Variants in SNTG1 observed in about 807,000 individuals in gnomAD.
The protein encoded by SNTG1 is gamma-1-syntrophin.
In SNTG1, 39 loss-of-function variants were observed where a neutral mutation model predicts 74.7. The observed-to-expected ratio is 0.52, with a 90% CI of 0.40 to 0.68. The LOEUF (loss-of-function observed/expected upper bound fraction) is 0.68, where lower values mean the gene tolerates loss of function less well. Among genes scored for constraint, SNTG1 ranks in the 30% least tolerant of loss-of-function variants. The pLI is 0.00. For synonymous variants in SNTG1, 254 were observed against 217.1 expected (o/e 1.17, Z -1.49); for missense variants, 685 against 609.5 (o/e 1.12, Z -1.30).
intron 1 of SNTG1, among the ~76,000 whole-genome samples, chr8:50,055,407 A>T (rs1232773026): frequency 6.6e-6 from 1 of 152,160 alleles, no homozygotes; most frequent in African/African-American, 2.4e-5. Flanking sequence ...ATGATTTGAA[A>T]GGTGTTTACC....
In SNTG1 at chr8:50,237,050, G is replaced by A. The variant is rs538835641; in HGVS notation, c.-28+64415G>A. On this transcript the variant is annotated intron_variant, in intron 2 of 18. Coordinates refer to ENST00000642720, the MANE Select transcript of SNTG1 (RefSeq NM_018967.5). ...TTCCCCAATTGTTACAGAATATCTT[G>A]TAATAATTTATTAAAATCAGAAATC... is the stretch of plus-strand genomic sequence containing the variant. Among the ~76,000 whole-genome samples, 245 of 152,190 alleles carry A rather than the reference G, an allele frequency of 1.6e-3. 2 individuals carry two copies. The highest frequency in any genetic ancestry group is 3.4e-3 in the Middle Eastern group (1 of 292).
intron 18 of SNTG1, among the ~76,000 whole-genome samples, chr8:50,754,444 G>T (rs1006819577): frequency 3.3e-5 from 5 of 151,820 alleles, no homozygotes; most frequent in African/African-American, 1.2e-4. Context: ...TGAACAACTT[G>T]TTATATGTAT....
At chr8:50,273,218 A>T (rs2087887260) in intron 2 of SNTG1, among the ~76,000 whole-genome samples, 1 of 152,168 alleles carries the variant, frequency 6.6e-6, no homozygotes, top group South Asian at 2.1e-4. Context: ...GCTTTGAGGG[A>T]AATAAAAGCA....
chr8:50,536,660 T>C lies in SNTG1; in HGVS notation c.550-18T>C, dbSNP rs2094309553. ...CACAGAAGAAAAAAATTACGTTGAA[T>C]ATTTATCTTCCTTTCAGGACACATT... On this transcript the variant is annotated intron_variant, in intron 10 of 18. Coordinates refer to ENST00000642720, the MANE Select transcript of SNTG1 (RefSeq NM_018967.5). The C allele has an allele frequency of 6.2e-7, 1 of 1,609,602 alleles. No homozygotes were observed. Among genetic ancestry groups the C allele is most frequent in the African/African-American group, 1.3e-5 (1 of 74,842 alleles).
At chr8:50,401,367 A>G (rs1377491052) in intron 3 of SNTG1, among the ~76,000 whole-genome samples, 1 of 152,190 alleles carries the variant, frequency 6.6e-6, no homozygotes, top group Non-Finnish European at 1.5e-5. Context: ...TTCTGGATAA[A>G]TGACAAGACT....
At chr8:50,682,864 T>C (rs2095336769) in intron 15 of SNTG1, among the ~76,000 whole-genome samples, 1 of 152,140 alleles carries the variant, frequency 6.6e-6, no homozygotes, top group Non-Finnish European at 1.5e-5. Context: ...TTTGTTGCCT[T>C]CCTCTCCAAA....
At chr8:50,362,430 A>G (rs893418510) in intron 2 of SNTG1, among the ~76,000 whole-genome samples, 1 of 152,176 alleles carries the variant, frequency 6.6e-6, no homozygotes, top group Non-Finnish European at 1.5e-5. Flanking sequence ...AGGGAGAAGT[A>G]TTGGACACTT....
intron 18 of SNTG1, among the ~76,000 whole-genome samples, chr8:50,787,013 T>C (rs1275297052): frequency 6.6e-6 from 1 of 151,926 alleles, no homozygotes; most frequent in African/African-American, 2.4e-5. Flanking sequence ...TTTAAAGCAC[T>C]TGTGCTGAGT....
In SNTG1 at chr8:50,585,022, T is replaced by A. The variant is rs546698483; in HGVS notation, c.811-5857T>A. ...GGGAAGAAGGGGCAGGCATTGGCTC[T>A]GGGTCATTCATACAGAATTTTCATA... On this transcript the variant is annotated intron_variant, in intron 12 of 18. Transcript: ENST00000642720. Among the ~76,000 whole-genome samples the A allele has an allele frequency of 2.6e-5, 4 of 152,286 alleles. No individual in the cohort carries two copies. In the East Asian group the frequency reaches 7.7e-4, roughly 29 times the overall value.
In SNTG1 at chr8:50,483,729, G is replaced by A. The variant is rs530967973; in HGVS notation, c.364-19049G>A. Among the ~76,000 whole-genome samples the A allele has an allele frequency of 3.0e-4, 46 of 152,180 alleles. No homozygotes were observed. In the South Asian group the frequency reaches 6.8e-3, roughly 23 times the overall value. On this transcript the variant is annotated intron_variant, in intron 8 of 18. Transcript: ENST00000642720. ...TTGTGCAAACATTTTGTGATAATAC[G>A]CATAAACAAATATTTAGCAACTGTA...
At chr8:50,058,673 C>T (rs749917528) in intron 1 of SNTG1, among the ~76,000 whole-genome samples, 14 of 151,716 alleles carry the variant, frequency 9.2e-5, no homozygotes, top group Non-Finnish European at 1.5e-4. Flanking sequence ...AATAAAGCAA[C>T]GAGGATACTG....
intron 15 of SNTG1, among the ~76,000 whole-genome samples, chr8:50,695,229 TA>T (rs2095400035): frequency 6.6e-6 from 1 of 151,512 alleles, no homozygotes; most frequent in Admixed American, 6.6e-5. Context: ...AAAAAACCGT[TA>T]AAAATAGAAA....
chr8:50,450,415 T>C, intron 6 of SNTG1, 141 bp from the exon 7 acceptor site: 1 of 812,494 alleles, frequency 1.2e-6, no homozygotes, highest in Non-Finnish European at 1.9e-6. Flanking sequence ...ATTTCCATTT[T>C]TTGTGGATCT....
At chr8:50,306,451 T>C (rs2089900424) in intron 2 of SNTG1, among the ~76,000 whole-genome samples, 2 of 152,098 alleles carry the variant, frequency 1.3e-5, no homozygotes, top group Admixed American at 1.3e-4. Flanking sequence ...GATCTACTTT[T>C]AGTTATTTAA....
At chr8:49,958,840 ATTC>A (rs754402019) in intron 1 of SNTG1, among the ~76,000 whole-genome samples, 8 of 152,348 alleles carry the variant, frequency 5.3e-5, no homozygotes, top group South Asian at 4.1e-4. Flanking sequence ...TAGAAAGATA[ATTC>A]TTATTATCAG....
At chr8:50,579,640 A>G (rs2094597444) in intron 12 of SNTG1, among the ~76,000 whole-genome samples, 1 of 152,194 alleles carries the variant, frequency 6.6e-6, no homozygotes, top group Admixed American at 6.5e-5. Flanking sequence ...AGGCCAATGC[A>G]TAAAGTATAA....
At chr8:50,264,792 AAGG>A (rs1433189024) in intron 2 of SNTG1, among the ~76,000 whole-genome samples, 8 of 152,084 alleles carry the variant, frequency 5.3e-5, no homozygotes, top group African/African-American at 1.9e-4. Context: ...CAGGAATGAA[AAGG>A]AGAACATCAT....
chr8:50,079,413 T>TG (rs1016487336), intron 1 of SNTG1, among the ~76,000 whole-genome samples: 15 of 151,786 alleles, frequency 9.9e-5, no homozygotes, highest in African/African-American at 3.1e-4. Context: ...GTTGTTTGTT[T>TG]TTTTTTTTCT....
At chr8:50,773,521 A>G (rs2095632479) in intron 18 of SNTG1, among the ~76,000 whole-genome samples, 2 of 152,252 alleles carry the variant, frequency 1.3e-5, no homozygotes, top group South Asian at 4.1e-4. Context: ...TAATTTACAG[A>G]AATATTGGTC....
Sources: gnomAD v4.1 joint callset for allele counts (sites outside exome capture counted in the v4.1 genomes callset) on GRCh38, gnomAD v4.1.1 for gene constraint, MANE v1.5 for transcripts, NCBI Gene and HGNC (gene_info 2026-07-23, HGNC 2026-07-21) for gene names.